MACF1: variants seen among roughly 807,000 people sequenced by gnomAD.
MACF1 encodes microtubule-actin cross-linking factor 1.
In MACF1, 193 loss-of-function variants were observed where a neutral mutation model predicts 854.8. The ratio of observed to expected loss-of-function variants is 0.23; its 90% CI spans 0.20 to 0.25. The LOEUF (loss-of-function observed/expected upper bound fraction) is 0.25, where lower values mean the gene tolerates loss of function less well. MACF1 is among the 10% of genes least tolerant of loss of function. The pLI, the probability that MACF1 is intolerant of heterozygous loss-of-function variation, is 1.00. For synonymous variants in MACF1, 3,185 were observed against 3,226.7 expected (o/e 0.99, Z 0.44); for missense variants, 7,722 against 8,929.1 (o/e 0.86, Z 5.45).
In MACF1 at chr1:39,267,256, G is replaced by T. The variant is rs192456366; in HGVS notation, c.528+9228G>T. Among the ~76,000 whole-genome samples the T allele has an allele frequency of 1.7e-4, 26 of 152,140 alleles. No homozygotes were observed. The East Asian group carries it at 3.9e-3, about 23-fold the overall frequency. Reference sequence around the variant, plus strand: ...GTTTCTTTTTTCTTTTTTGGAGACAGAGTCTTGTTCTGTTGGCCAGGCTGG... The same window carrying T: ...GTTTCTTTTTTCTTTTTTGGAGACATAGTCTTGTTCTGTTGGCCAGGCTGG... On this transcript the variant is annotated intron_variant, in intron 6 of 100. Transcript: ENST00000564288.
rs960740861 is a variant in MACF1 at position 39,324,667 on chromosome 1, A to G, written c.4411A>G (p.Thr1471Ala). The G allele has an allele frequency of 6.2e-7, 1 of 1,613,374 alleles. No homozygotes were observed. The highest frequency in any genetic ancestry group is 1.3e-5 in the African/African-American group (1 of 74,918). Residue 1471 changes from threonine to alanine, a missense_variant, in exon 35 of 101, where the codon ACA becomes GCA. This residue lies in a region of MACF1 where 1,531 missense variants were observed against 1,601.6 expected (regional missense o/e 0.96). Transcript: ENST00000564288. Reference sequence around the variant, plus strand: ...GTAGGTTCTGTCAGAAGAGCTGACAACAAAGAAAGAACAAGTCTCTGAAGC... The same window carrying G: ...GTAGGTTCTGTCAGAAGAGCTGACAGCAAAGAAAGAACAAGTCTCTGAAGC... ...EQQVLSEELT[T>A]KKEQVSEAIK...
intron 36 of MACF1, 126 bp downstream of exon 36, chr1:39,327,479 C>T (rs993362532): frequency 6.2e-6 from 6 of 974,608 alleles, no homozygotes; most frequent in Non-Finnish European, 8.8e-6. Flanking sequence ...TTTAACCTCA[C>T]CTTAGCAGCC....
At chr1:39,356,273 TAC>T (rs1237017700) in intron 44 of MACF1, among the ~76,000 whole-genome samples, 10 of 152,132 alleles carry the variant, frequency 6.6e-5, no homozygotes, top group Non-Finnish European at 1.5e-4. Flanking sequence ...TACCCAGAAA[TAC>T]AGTTTAATCT....
At chr1:39,205,510 C>A (rs1450353270) in intron 1 of MACF1, among the ~76,000 whole-genome samples, 5 of 152,068 alleles carry the variant, frequency 3.3e-5, no homozygotes, top group Admixed American at 3.3e-4. Flanking sequence ...TGAAAACATA[C>A]AGTAACTCTT....
intron 2 of MACF1, among the ~76,000 whole-genome samples, chr1:39,185,481 C>G (rs1418901839): frequency 6.7e-6 from 1 of 149,960 alleles, no homozygotes; most frequent in Non-Finnish European, 1.5e-5. Context: ...CCAGCCTGGA[C>G]AGCATAGAGG....
At chr1:39,403,801 G>A (rs1305230901) in intron 58 of MACF1, among the ~76,000 whole-genome samples, 2 of 150,756 alleles carry the variant, frequency 1.3e-5, no homozygotes, top group African/African-American at 4.9e-5. Context: ...ACAGTTGAGT[G>A]AGCATCCCGT....
rs796962471 is a variant in MACF1 at position 39,421,416 on chromosome 1, T to C, written c.15817-958T>C. ...TGTGTGTCTGAAGTTATTAAGGACA[T>C]TTCCCAACGTTACTGGCCCATTTCC... On this transcript the variant is annotated intron_variant, in intron 58 of 100. Coordinates refer to ENST00000564288, the MANE Select transcript of MACF1 (RefSeq NM_001394062.1). Among the ~76,000 whole-genome samples the C allele has an allele frequency of 1.4e-4, 22 of 152,348 alleles. 1 individual carries two copies. Among genetic ancestry groups the C allele is most frequent in the African/African-American group, 4.6e-4 (19 of 41,584 alleles).
At chr1:39,186,662 C>T (rs1644177947) in intron 2 of MACF1, among the ~76,000 whole-genome samples, 1 of 151,890 alleles carries the variant, frequency 6.6e-6, no homozygotes, top group Admixed American at 6.6e-5. Context: ...GGCTGGAGTG[C>T]AGTGGTGTGA....
intron 53 of MACF1, 117 bp downstream of exon 53, chr1:39,378,640 G>A: frequency 2.0e-6 from 2 of 1,015,506 alleles, no homozygotes; most frequent in Non-Finnish European, 2.9e-6. Flanking sequence ...TGGGTGTGAG[G>A]ATAAAAATCT....
At chr1:39,356,453 A>T (rs531208046) in intron 44 of MACF1, among the ~76,000 whole-genome samples, 33 of 152,064 alleles carry the variant, frequency 2.2e-4, no homozygotes, top group Middle Eastern at 3.4e-3. Context: ...GCTCACTGCA[A>T]TCTCTGCCTC....
chr1:39,190,994 A>AC (rs1331097509), intron 2 of MACF1, among the ~76,000 whole-genome samples: 1 of 152,122 alleles, frequency 6.6e-6, no homozygotes, highest in Non-Finnish European at 1.5e-5. Context: ...CTGTGTCTCA[A>AC]AAACAAACAA....
rs774077055 is a variant in MACF1 at position 39,441,142 on chromosome 1, G to GAGGC, written c.18570+19_18570+22dup. On this transcript the variant is annotated intron_variant, in intron 73 of 100. Transcript: ENST00000564288. Reference sequence around the variant, plus strand: ...ATTGATGAGGTGTGGAGAAATGGATGAGGCACTCAGTTAGAACATTAGTGG... The same window carrying GAGGC: ...ATTGATGAGGTGTGGAGAAATGGATGAGGCAGGCACTCAGTTAGAACATTAGTGG... 4.3e-6 allele frequency: 7 copies of GAGGC among 1,614,186 alleles called. No homozygotes were observed. Among genetic ancestry groups the GAGGC allele is most frequent in the East Asian group, 2.2e-5 (1 of 44,872 alleles).
chr1:39,479,352 A>G (rs533413242), intron 97 of MACF1, among the ~76,000 whole-genome samples: 3 of 152,300 alleles, frequency 2.0e-5, no homozygotes, highest in African/African-American at 7.2e-5. Flanking sequence ...GAGTCTAGAC[A>G]ATATCGATTT....
chr1:39,149,501 C>G (rs1643531260), intron 2 of MACF1, among the ~76,000 whole-genome samples: 1 of 151,054 alleles, frequency 6.6e-6, no homozygotes, highest in African/African-American at 2.4e-5. Context: ...GCACTGAAGC[C>G]TGGGTGATAG....
Position 39,439,260 on chromosome 1 carries a change from T to C in MACF1, c.18221-14T>C. On this transcript the variant is annotated splice_polypyrimidine_tract_variant and intron_variant, in intron 71 of 100. Transcript: ENST00000564288. ...AGAAAGTCCTATTCATATCTCTTTT[T>C]TTAACCTCCTCAGAAATCCAGGATA... 1 of 1,565,392 alleles carries C rather than the reference T, an allele frequency of 6.4e-7. No individual in the cohort carries two copies. Among genetic ancestry groups the C allele is most frequent in the Middle Eastern group, 1.7e-4 (1 of 5,948 alleles).
chr1:39,335,497 G>C lies in MACF1; in HGVS notation c.8909G>C (p.Arg2970Pro), dbSNP rs530899566. Residue 2970 changes from arginine (R) to proline (P), a missense_variant, in exon 37 of 101, where the codon CGG becomes CCG. Physicochemically the swap from Arg to Pro is moderately radical, Grantham distance 103. Transcript: ENST00000564288. ...GTTTTGCAGCAACCAATGAATGCTC[G>C]GGTGAAAAGTAAGAGAGAGAAGAGG... ...EQVLQQPMNARVKSKREKREV... is the reference protein window; with the variant it reads ...EQVLQQPMNAPVKSKREKREV... The C allele has an allele frequency of 6.2e-7, 1 of 1,614,090 alleles. No homozygotes were observed. Among genetic ancestry groups the C allele is most frequent in the Non-Finnish European group, 8.5e-7 (1 of 1,179,990 alleles).
chr1:39,463,139 T>C (rs1371510048), intron 93 of MACF1, among the ~76,000 whole-genome samples: 1 of 152,178 alleles, frequency 6.6e-6, no homozygotes, highest in African/African-American at 2.4e-5. Context: ...GAAGAACATA[T>C]ACTAATTTGG....
At chr1:39,101,889 G>T (rs1257131703) in intron 2 of MACF1, among the ~76,000 whole-genome samples, 2 of 144,954 alleles carry the variant, frequency 1.4e-5, no homozygotes, top group Non-Finnish European at 3.0e-5. Context: ...GAGAGAGAAA[G>T]AAAGAGGCTG....
Position 39,084,348 on chromosome 1 carries a change from C to A in MACF1, c.130C>A (p.Pro44Thr). 1 of 1,614,010 alleles carries A rather than the reference C, an allele frequency of 6.2e-7. No homozygotes were observed. Residue 44 changes from proline to threonine, a missense_variant, in exon 2 of 94, where the codon CCC (proline) becomes ACC (threonine). By Grantham distance (38) the Pro-to-Thr change is conservative. Transcript: ENST00000361689. The surrounding 1 kb of genome is among the most constrained non-coding windows in gnomAD (Gnocchi z 5.2). ...TCCCTGTCCCCCAGGGGACACCTTG[C>A]CCTGGAACCTGCCACTGCATGAGCA...
Sources: allele counts gnomAD v4.1 joint callset (sites outside exome capture counted in the v4.1 genomes callset), GRCh38; gene constraint gnomAD v4.1.1; regional missense constraint gnomAD v4.1.1; non-coding constraint Gnocchi (gnomAD v3.1); transcripts MANE v1.5; gene names NCBI Gene and HGNC (gene_info 2026-07-23, HGNC 2026-07-21).